Variants in NSL1 observed in about 807,000 individuals in gnomAD.
The protein encoded by NSL1 is NSL1 component of MIS12 kinetochore complex, also known as kinetochore-associated protein NSL1 homolog.
NSL1 carries 11 observed loss-of-function variants against 25.4 expected under a neutral mutation model. The observed-to-expected ratio is 0.43, with a 90% CI of 0.27 to 0.72. The LOEUF is 0.72. Ranked by LOEUF, NSL1 falls within the 30% of genes least tolerant of loss-of-function variation. The probability of loss-of-function intolerance (pLI) is 0.19; values close to 1 mark genes in which losing one functional copy is unlikely to be tolerated. For missense variants in NSL1, 330 were observed against 342.7 expected, an observed-to-expected ratio of 0.96 and a Z score of 0.29; for synonymous variants, 118 against 120.6, an observed-to-expected ratio of 0.98 and a Z score of 0.14.
intron 4 of NSL1, among the ~76,000 whole-genome samples, chr1:212,762,548 A>G (rs1433680995): frequency 6.6e-6 from 1 of 152,196 alleles, no homozygotes; most frequent in Non-Finnish European, 1.5e-5. Context: ...GAACCACCAC[A>G]GGAAGATGGA....
chr1:212,765,580 G>A (rs753750724), intron 4 of NSL1, among the ~76,000 whole-genome samples: 5 of 152,150 alleles, frequency 3.3e-5, no homozygotes, highest in Non-Finnish European at 5.9e-5. Context: ...CAGCACTTTG[G>A]GAGGCTGAGA....
At chr1:212,762,306 CAAAAAA>C (rs71147025) in intron 4 of NSL1, among the ~76,000 whole-genome samples, 1 of 114,638 alleles carries the variant, frequency 8.7e-6, no homozygotes, top group Non-Finnish European at 1.7e-5. Flanking sequence ...TTAAAAGAAA[CAAAAAA>C]AAAAAAAAAA....
intron 4 of NSL1, among the ~76,000 whole-genome samples, chr1:212,746,239 T>C (rs919834439): frequency 6.6e-6 from 1 of 152,110 alleles, no homozygotes; most frequent in Non-Finnish European, 1.5e-5. Context: ...ATATACAATG[T>C]ATAAAGATGA....
Position 212,741,377 on chromosome 1 carries a change from C to T in NSL1, c.500-1776G>A, listed in dbSNP as rs1384958498. 4.6e-5 allele frequency among the ~76,000 whole-genome samples: 7 copies of T among 152,242 alleles called. No individual in the cohort carries two copies. In the East Asian group the frequency reaches 1.4e-3, roughly 29 times the overall value. Reference sequence around the variant, plus strand: ...CTTATGATATGGTTTGGATCTGTGTCCCCACCCAATCTCATGTCGAATCAT... The same window carrying T: ...CTTATGATATGGTTTGGATCTGTGTTCCCACCCAATCTCATGTCGAATCAT... On this transcript the variant is annotated intron_variant, in intron 4 of 5. Transcript: ENST00000366977.
intron 4 of NSL1, chr1:212,782,107 G>A (rs1167829106): frequency 7.3e-6 from 5 of 681,190 alleles, no homozygotes; most frequent in Non-Finnish European, 1.4e-5. Flanking sequence ...AGAAGTTAGA[G>A]ATGGGTATGT....
intron 4 of NSL1, among the ~76,000 whole-genome samples, chr1:212,778,688 C>G (rs1453498536): frequency 2.6e-5 from 4 of 152,022 alleles, no homozygotes; most frequent in African/African-American, 7.2e-5. Context: ...GACGGAGTCT[C>G]GTTCACTCAG....
chr1:212,748,485 T>G (rs1372764960), intron 4 of NSL1, among the ~76,000 whole-genome samples: 1 of 152,174 alleles, frequency 6.6e-6, no homozygotes, highest in Non-Finnish European at 1.5e-5. Context: ...ACAGAAGAGA[T>G]AAATTGTCTG....
Position 212,732,746 on chromosome 1 carries a change from G to T in NSL1, c.*5662C>A. The T allele has an allele frequency of 1.5e-6, 1 of 687,398 alleles. No homozygotes were observed. Among genetic ancestry groups the T allele is most frequent in the Non-Finnish European group, 1.8e-6 (1 of 557,626 alleles). 42.6% of individuals were successfully genotyped at this position (687,398 alleles called of 1,614,324 possible). A position where few individuals can be genotyped will look rare whatever the true frequency, so the allele number is the denominator to read the frequency against. ...GGTTTACCCTTTGGAATAGAGCACA[G>T]CCCCTGGTAGAACCCCCAAACGGGA... On this transcript the variant is annotated 3_prime_UTR_variant, in exon 6 of 6. Transcript: ENST00000366977.
chr1:212,741,307 C>A (rs1658492475), intron 4 of NSL1, among the ~76,000 whole-genome samples: 1 of 152,200 alleles, frequency 6.6e-6, no homozygotes, highest in Admixed American at 6.5e-5. Context: ...TGTGTAGGAG[C>A]TATCTGTTCA....
At position 212,730,838 on chromosome 1, in the gene NSL1, A is replaced by T; in HGVS notation, c.*7570T>A. On this transcript the variant is annotated 3_prime_UTR_variant, in exon 6 of 6. Transcript: ENST00000366977. ...AGTTTTTTACCTCTCCCCTCCCCAC[A>T]CTCACCTTCTAAGTTCAATTAATAA... The T allele has an allele frequency of 1.0e-6, 1 of 985,152 alleles. No homozygotes were observed. The allele number at this position is 985,152 out of a possible 1,614,324, so 61.0% of individuals were successfully genotyped here.
intron 4 of NSL1, among the ~76,000 whole-genome samples, chr1:212,745,156 CAAACTATATATA>C: frequency 1.1e-5 from 1 of 92,288 alleles, no homozygotes; most frequent in East Asian, 3.1e-4. Context: ...AACAAACAAA[CAAACTATATATA>C]TATATATATA....
intron 4 of NSL1, chr1:212,781,999 C>T: frequency 1.9e-6 from 1 of 517,368 alleles, no homozygotes; most frequent in South Asian, 1.4e-5. Flanking sequence ...ATGATGGTTA[C>T]TGCACCAGGT....
Position 212,727,134 on chromosome 1 carries a change from C to A in NSL1, c.*11274G>T, listed in dbSNP as rs781016625. On this transcript the variant is annotated 3_prime_UTR_variant, in exon 6 of 6. Coordinates refer to ENST00000366977, the MANE Select transcript of NSL1 (RefSeq NM_015471.4). Reference sequence around the variant, plus strand: ...GAAGGGATGAAGGTTCCCCGATCCCCTTCTCTCCTAAACTGCCCCTAGAGC... The same window carrying A: ...GAAGGGATGAAGGTTCCCCGATCCCATTCTCTCCTAAACTGCCCCTAGAGC... 1 of 1,576,014 alleles carries A rather than the reference C, an allele frequency of 6.3e-7. No individual in the cohort carries two copies. The highest frequency in any genetic ancestry group is 8.6e-7 in the Non-Finnish European group (1 of 1,161,066).
At chr1:212,750,718 T>A (rs1659030269) in intron 4 of NSL1, among the ~76,000 whole-genome samples, 1 of 152,008 alleles carries the variant, frequency 6.6e-6, no homozygotes, top group Non-Finnish European at 1.5e-5. Context: ...GGCAGGTAAA[T>A]CACCTGAGGT....
At chr1:212,759,457 C>T (rs1462411222) in intron 4 of NSL1, among the ~76,000 whole-genome samples, 1 of 152,144 alleles carries the variant, frequency 6.6e-6, no homozygotes, top group Non-Finnish European at 1.5e-5. Flanking sequence ...AGAGATCCCA[C>T]ATTTCTACTG....
intron 4 of NSL1, among the ~76,000 whole-genome samples, chr1:212,770,946 C>T (rs973602562): frequency 1.3e-5 from 2 of 152,134 alleles, no homozygotes; most frequent in Admixed American, 1.3e-4. Context: ...GAATGAAGCA[C>T]AAATATCATA....
At chr1:212,782,139 C>A in intron 4 of NSL1, 1 of 707,364 alleles carries the variant, frequency 1.4e-6, no homozygotes, top group Non-Finnish European at 2.6e-6. Context: ...CTGGGTCAGG[C>A]AAGAACTTTA....
chr1:212,750,909 C>A (rs1366488713), intron 4 of NSL1, among the ~76,000 whole-genome samples: 3 of 152,004 alleles, frequency 2.0e-5, no homozygotes, highest in African/African-American at 4.8e-5. Flanking sequence ...CCACTGCACT[C>A]CAGCCAGAGT....
intron 4 of NSL1, among the ~76,000 whole-genome samples, chr1:212,780,847 C>G (rs745555686): frequency 6.6e-6 from 1 of 151,960 alleles, no homozygotes; most frequent in East Asian, 1.9e-4. Flanking sequence ...GTTTATACAG[C>G]CCCTTATGTG....
Sources: gnomAD v4.1 joint callset for allele counts (sites outside exome capture counted in the v4.1 genomes callset) on GRCh38, gnomAD v4.1.1 for gene constraint, MANE v1.5 for transcripts, NCBI Gene and HGNC (gene_info 2026-07-23, HGNC 2026-07-21) for gene names.